Variants in LHPP observed in about 807,000 individuals in gnomAD.
LHPP encodes phospholysine phosphohistidine inorganic pyrophosphate phosphatase, also known as hLHPP.
In LHPP, 24 loss-of-function variants were observed where a neutral mutation model predicts 30.3. The observed-to-expected ratio is 0.79, with a 90% CI of 0.57 to 1.11. The LOEUF is 1.11. Ranked by LOEUF, LHPP falls within the 50% of genes most tolerant of loss-of-function variation. The pLI is 0.00. For synonymous variants in LHPP, 150 were observed against 157.1 expected, an observed-to-expected ratio of 0.95 and a Z score of 0.34; for missense variants, 356 against 367.2, an observed-to-expected ratio of 0.97 and a Z score of 0.25.
At chr10:124,597,797 C>T (rs116701634) in intron 6 of LHPP, among the ~76,000 whole-genome samples, 2,410 of 152,310 alleles carry the variant, frequency 0.016, 64 homozygotes, top group African/African-American at 0.054. Flanking sequence ...GGGATCTGGC[C>T]GTTGGAGTGC....
chr10:124,530,528 GCA>G (rs5788671), intron 6 of LHPP, among the ~76,000 whole-genome samples: 5,474 of 87,776 alleles, frequency 0.062, 333 homozygotes, highest in African/African-American at 0.24. Context: ...CATAGTGCAT[GCA>G]CACACACACA....
chr10:124,579,190 C>T (rs17152064), intron 6 of LHPP, among the ~76,000 whole-genome samples: 9,814 of 152,318 alleles, frequency 0.064, 406 homozygotes, highest in South Asian at 0.22. Flanking sequence ...GAACATCTCC[C>T]GGGCCGAGCG....
intron 5 of LHPP, among the ~76,000 whole-genome samples, chr10:124,500,205 G>A (rs1443243661): frequency 6.6e-6 from 1 of 151,904 alleles, no homozygotes; most frequent in African/African-American, 2.4e-5. Flanking sequence ...GGGTGTGGTG[G>A]CCCACGCCTG....
At chr10:124,545,803 T>C (rs1218763105) in intron 6 of LHPP, among the ~76,000 whole-genome samples, 1 of 152,172 alleles carries the variant, frequency 6.6e-6, no homozygotes, top group Admixed American at 6.5e-5. Context: ...TTTGGGTCTG[T>C]AAAGGCCGAC....
chr10:124,599,593 A>G (rs1210575029), intron 6 of LHPP, among the ~76,000 whole-genome samples: 2 of 152,190 alleles, frequency 1.3e-5, no homozygotes, highest in African/African-American at 4.8e-5. Flanking sequence ...CAGCCTGGCT[A>G]TGGGAGGCCC....
intron 6 of LHPP, among the ~76,000 whole-genome samples, chr10:124,598,998 C>CCCATCCAT (rs71029203): frequency 2.1e-4 from 31 of 148,734 alleles, no homozygotes; most frequent in South Asian, 8.7e-4. Context: ...TCCATCTCTG[C>CCCATCCAT]CCATCCATCC....
At position 124,461,984 on chromosome 10, in the gene LHPP, C is replaced by A; in HGVS notation, c.122C>A (p.Ala41Asp). The A allele has an allele frequency of 8.2e-7, 1 of 1,216,294 alleles. No individual in the cohort carries two copies. Among genetic ancestry groups the A allele is most frequent in the Non-Finnish European group, 1.0e-6 (1 of 975,418 alleles). The allele number at this position is 1,216,294 out of a possible 1,614,324, so 75.3% of individuals were successfully genotyped here. The change falls in exon 1 of 7, where the codon GCC becomes GAC. Residue 41 changes from alanine to aspartate, a missense_variant. Transcript: ENST00000368842. ...TAIAGSVEAV[A>D]RLKRSRLKVR... ...ATCGCCGGCTCGGTGGAGGCGGTGG[C>A]CAGGTGAGTGGGCCCCGGGACGCCG...
At chr10:124,562,359 G>T (rs1948409752) in intron 6 of LHPP, among the ~76,000 whole-genome samples, 1 of 152,034 alleles carries the variant, frequency 6.6e-6, no homozygotes, top group Admixed American at 6.6e-5. Context: ...AGAGCCAAAT[G>T]AAAATTTTAG....
rs1229832191 is a variant in LHPP at position 124,593,158 on chromosome 10, AC to A, written c.717-20105del. Among the ~76,000 whole-genome samples, 11 of 152,216 alleles carry A rather than the reference AC, an allele frequency of 7.2e-5. No individual in the cohort carries two copies. The highest frequency in any genetic ancestry group is 1.3e-4 in the Non-Finnish European group (9 of 68,004). On this transcript the variant is annotated intron_variant, in intron 6 of 6. Transcript: ENST00000368842. The surrounding 1 kb of genome is among the most constrained non-coding windows in gnomAD (Gnocchi z 4.9). ...CATCTGTGTGGAGGAACTGATGAAGACAGCACATGCCCCCTGCCCTGGTCCC... is the reference window on the plus strand; with the variant it reads ...CATCTGTGTGGAGGAACTGATGAAGAAGCACATGCCCCCTGCCCTGGTCCC...
At chr10:124,573,475 C>A (rs1280884613) in intron 6 of LHPP, among the ~76,000 whole-genome samples, 1 of 152,162 alleles carries the variant, frequency 6.6e-6, no homozygotes, top group East Asian at 1.9e-4. Flanking sequence ...CCACACCCAG[C>A]TAATTTTTTA....
chr10:124,520,054 C>T (rs989062703), intron 6 of LHPP, among the ~76,000 whole-genome samples: 20 of 151,954 alleles, frequency 1.3e-4, no homozygotes, highest in African/African-American at 3.9e-4. Context: ...AGGATGGTCT[C>T]GATCTCCTGA....
chr10:124,469,895 C>A (rs555604564), intron 1 of LHPP, among the ~76,000 whole-genome samples: 2 of 152,188 alleles, frequency 1.3e-5, no homozygotes, highest in African/African-American at 4.8e-5. Flanking sequence ...GGCGAGGGAG[C>A]TGGGATTGGA....
chr10:124,496,917 C>T lies in LHPP; in HGVS notation c.468-44C>T. 1 of 1,564,690 alleles carries T rather than the reference C, an allele frequency of 6.4e-7. No homozygotes were observed. The highest frequency in any genetic ancestry group is 2.3e-5 in the East Asian group (1 of 44,410). ...CCGATACTTAGCATCCTGCGGTCAG[C>T]TCCCCGTGCTCAGCATCCCGTGCTC... On this transcript the variant is annotated intron_variant, in intron 3 of 6. Coordinates refer to ENST00000368842, the MANE Select transcript of LHPP (RefSeq NM_022126.4). This position sits in a 1 kb window ranked among gnomAD's most constrained non-coding sequence, Gnocchi z 4.3.
chr10:124,566,008 C>T (rs776677595), intron 6 of LHPP, among the ~76,000 whole-genome samples: 2 of 152,240 alleles, frequency 1.3e-5, no homozygotes, highest in Non-Finnish European at 2.9e-5. Flanking sequence ...GGCCTGGAGC[C>T]GTCGCCGTAC....
At chr10:124,525,213 C>A (rs1419837217) in intron 6 of LHPP, among the ~76,000 whole-genome samples, 1 of 152,226 alleles carries the variant, frequency 6.6e-6, no homozygotes. Context: ...CTCCAACACC[C>A]CTCTCTGCCC....
intron 6 of LHPP, among the ~76,000 whole-genome samples, chr10:124,518,720 C>T (rs1045185213): frequency 6.6e-6 from 1 of 152,202 alleles, no homozygotes; most frequent in Non-Finnish European, 1.5e-5. Flanking sequence ...GTCTTTCTGG[C>T]CAGCCCAGGC....
intron 5 of LHPP, among the ~76,000 whole-genome samples, chr10:124,503,402 C>T (rs1451998927): frequency 6.6e-6 from 1 of 151,990 alleles, no homozygotes; most frequent in African/African-American, 2.4e-5. Flanking sequence ...CAAGACATTT[C>T]TTCTTCCAGT....
At chr10:124,493,778 G>T (rs1338672579) in intron 3 of LHPP, 1 of 152,160 alleles carries the variant, frequency 6.6e-6, no homozygotes, top group Non-Finnish European at 1.5e-5. Flanking sequence ...GCTGCCGTTG[G>T]CTGGGTTAAA....
chr10:124,607,812 A>T lies in LHPP; in HGVS notation c.717-5452A>T, dbSNP rs554315950. Among the ~76,000 whole-genome samples the T allele has an allele frequency of 2.7e-4, 41 of 152,262 alleles. 1 individual carries two copies. The South Asian group carries it at 8.5e-3, about 32-fold the overall frequency. On this transcript the variant is annotated intron_variant, in intron 6 of 6. Transcript: ENST00000368842. Reference sequence around the variant, plus strand: ...GAGAAAAGTTGGAAATCAGATGGGAACTGGCTGCGGTACCAGAGAGGACGT... The same window carrying T: ...GAGAAAAGTTGGAAATCAGATGGGATCTGGCTGCGGTACCAGAGAGGACGT...
Sources: allele counts gnomAD v4.1 joint callset (sites outside exome capture counted in the v4.1 genomes callset), GRCh38; gene constraint gnomAD v4.1.1; non-coding constraint Gnocchi (gnomAD v3.1); transcripts MANE v1.5; gene names NCBI Gene and HGNC (gene_info 2026-07-23, HGNC 2026-07-21).